PODXL: variants seen among roughly 807,000 people sequenced by gnomAD.
The protein encoded by PODXL is podocalyxin.
PODXL carries 20 observed loss-of-function variants against 48.9 expected under a neutral mutation model. The observed-to-expected ratio is 0.41, with a 90% confidence interval of 0.29 to 0.59. The LOEUF (loss-of-function observed/expected upper bound fraction) is 0.59, where lower values mean the gene tolerates loss of function less well. PODXL is among the 20% of genes least tolerant of loss of function. The pLI is 0.31. For missense variants in PODXL, 606 were observed against 675.1 expected (o/e 0.90, Z 1.13); for synonymous variants, 295 against 287.4 (o/e 1.03, Z -0.27).
At position 131,529,026 on chromosome 7, in the gene PODXL, GT is replaced by G. The variant is rs530395906; in HGVS notation, c.101-17594del. On this transcript the variant is annotated intron_variant, in intron 1 of 8. Coordinates refer to ENST00000378555, the MANE Select transcript of PODXL (RefSeq NM_001018111.3). ...ATGCTGAGATTTCAGAGGTGATACA[GT>G]TTGAGGGGCTGATAAAGTTCAGGGG... is the stretch of plus-strand genomic sequence containing the variant. 2.2e-4 allele frequency among the ~76,000 whole-genome samples: 33 copies of G among 152,230 alleles called. 2 individuals are homozygous for G. In the South Asian group the frequency reaches 6.9e-3, roughly 32 times the overall value.
intron 1 of PODXL, among the ~76,000 whole-genome samples, chr7:131,524,379 C>CAGAGAG (rs58163575): frequency 6.7e-4 from 70 of 104,108 alleles, no homozygotes; most frequent in African/African-American, 1.2e-3. Context: ...CACACACACA[C>CAGAGAG]AGAGAGAGAG....
chr7:131,532,946 C>T (rs967941328), intron 1 of PODXL, among the ~76,000 whole-genome samples: 11 of 152,202 alleles, frequency 7.2e-5, no homozygotes, highest in Non-Finnish European at 1.5e-4. Flanking sequence ...TGATCTGCGA[C>T]TTTCAGCCCC....
At chr7:131,521,746 C>A (rs1037681667) in intron 1 of PODXL, among the ~76,000 whole-genome samples, 1 of 152,166 alleles carries the variant, frequency 6.6e-6, no homozygotes, top group South Asian at 2.1e-4. Context: ...GCAGTTTACT[C>A]CTGGGAACCC....
At chr7:131,518,921 T>C (rs1798052262) in intron 1 of PODXL, among the ~76,000 whole-genome samples, 2 of 152,162 alleles carry the variant, frequency 1.3e-5, no homozygotes, top group East Asian at 3.9e-4. Context: ...AGAGCCTTTC[T>C]CTAGACGCAG....
In PODXL at chr7:131,556,524, C is replaced by T. The variant is rs1008543007; in HGVS notation, c.-165G>A. 1.1e-5 allele frequency: 9 copies of T among 797,828 alleles called. No homozygotes were observed. The highest frequency in any genetic ancestry group is 1.1e-4 in the African/African-American group (6 of 55,482). 49.4% of individuals were successfully genotyped at this position (797,828 alleles called of 1,614,324 possible). A position where few individuals can be genotyped will look rare whatever the true frequency, so the allele number is the denominator to read the frequency against. ...AGTCGCGCTGCGGCGGCTCTTCCTC[C>T]CTGCCGCTGCAGCAGAGCCGGGCTG... On this transcript the variant is annotated 5_prime_UTR_variant, in exon 1 of 9. Coordinates refer to ENST00000378555, the MANE Select transcript of PODXL (RefSeq NM_001018111.3).
chr7:131,522,991 T>C (rs1353974028), intron 1 of PODXL, among the ~76,000 whole-genome samples: 4 of 152,240 alleles, frequency 2.6e-5, no homozygotes, highest in Admixed American at 6.5e-5. Context: ...CTATGAACAT[T>C]TGTGCACAGG....
chr7:131,544,175 C>A (rs533780904), intron 1 of PODXL, among the ~76,000 whole-genome samples: 1 of 152,332 alleles, frequency 6.6e-6, no homozygotes, highest in Admixed American at 6.5e-5. Flanking sequence ...ATGGACCCTG[C>A]TGGTTTTCTT....
chr7:131,553,694 CCTTT>C (rs1798700180), intron 1 of PODXL, among the ~76,000 whole-genome samples: 1 of 152,216 alleles, frequency 6.6e-6, no homozygotes. Flanking sequence ...CACCAAGCTG[CCTTT>C]CTGTTGCCCA....
chr7:131,507,192 G>C (rs1004396590), intron 5 of PODXL, among the ~76,000 whole-genome samples: 4 of 152,318 alleles, frequency 2.6e-5, no homozygotes, highest in African/African-American at 7.2e-5. Context: ...AGGTGGGGAG[G>C]CTGCAGCTCT....
chr7:131,530,694 G>A (rs1798263661), intron 1 of PODXL, among the ~76,000 whole-genome samples: 1 of 151,226 alleles, frequency 6.6e-6, no homozygotes, highest in Non-Finnish European at 1.5e-5. Context: ...ATCACTTGAG[G>A]CTGCAGTGAG....
At chr7:131,519,960 AG>A (rs1209969858) in intron 1 of PODXL, among the ~76,000 whole-genome samples, 1 of 152,170 alleles carries the variant, frequency 6.6e-6, no homozygotes, top group Non-Finnish European at 1.5e-5. Flanking sequence ...CCTGGGCTCA[AG>A]GGATCCATCT....
chr7:131,550,399 G>C lies in PODXL; in HGVS notation c.100+5861C>G, dbSNP rs533589159. Among the ~76,000 whole-genome samples the C allele has an allele frequency of 1.4e-4, 22 of 152,294 alleles. No individual in the cohort carries two copies. The South Asian group carries it at 4.2e-3, about 29-fold the overall frequency. On this transcript the variant is annotated intron_variant, in intron 1 of 8. Transcript: ENST00000378555. ...TCGCCAGGCATGATGGCTCATGCCT[G>C]TAATCCTAGCACTGGGAGGCTGAGG...
chr7:131,514,754 G>A (rs371562568), intron 1 of PODXL, among the ~76,000 whole-genome samples: 51 of 151,758 alleles, frequency 3.4e-4, no homozygotes, highest in Non-Finnish European at 6.2e-4. Flanking sequence ...CCACAAGCAC[G>A]CACCACCACA....
At chr7:131,531,714 C>A (rs558459366) in intron 1 of PODXL, among the ~76,000 whole-genome samples, 4 of 152,296 alleles carry the variant, frequency 2.6e-5, no homozygotes, top group Middle Eastern at 3.4e-3. Context: ...CTTATGAGGA[C>A]ACTTGTCATT....
In PODXL at chr7:131,501,066, G is replaced by GACTT. The variant is rs1797692597; in HGVS notation, c.*3241_*3244dup. The GACTT allele has an allele frequency of 6.6e-6, 1 of 152,258 alleles. No individual in the cohort carries two copies. Among genetic ancestry groups the GACTT allele is most frequent in the African/African-American group, 2.4e-5 (1 of 41,392 alleles). The allele number at this position is 152,258 out of a possible 1,614,324, so 9.4% of individuals were successfully genotyped here. A position where few individuals can be genotyped will look rare whatever the true frequency, so the allele number is the denominator to read the frequency against. On this transcript the variant is annotated 3_prime_UTR_variant, in exon 9 of 9. Transcript: ENST00000378555. ...CCAACCTTTACTGAAATGGAGCTGT[G>GACTT]ACTTTGCTGGGGAGGGGGCAGGGTT... is the stretch of plus-strand genomic sequence containing the variant.
chr7:131,522,927 C>T (rs747574804), intron 1 of PODXL, among the ~76,000 whole-genome samples: 8 of 152,326 alleles, frequency 5.3e-5, no homozygotes, highest in South Asian at 2.1e-4. Flanking sequence ...ATCCATTAAT[C>T]GGCTGATGAA....
chr7:131,524,360 ACG>A (rs59670649), intron 1 of PODXL, among the ~76,000 whole-genome samples: 23,350 of 103,898 alleles, frequency 0.22, 3,454 homozygotes, highest in East Asian at 0.51. Flanking sequence ...ACACACACAC[ACG>A]CACACACACA....
At chr7:131,529,941 G>GC (rs1798248819) in intron 1 of PODXL, among the ~76,000 whole-genome samples, 2 of 32,368 alleles carry the variant, frequency 6.2e-5, no homozygotes, top group Non-Finnish European at 4.0e-4. Context: ...GCCTCCCTAG[G>GC]GGTATAGGCG....
At position 131,506,138 on chromosome 7, in the gene PODXL, C is replaced by T. The variant is rs759022798; in HGVS notation, c.1312-103G>A. 2.6e-4 allele frequency: 403 copies of T among 1,544,642 alleles called. 1 individual carries two copies. Among genetic ancestry groups the T allele is most frequent in the Admixed American group, 4.8e-4 (28 of 58,914 alleles). On this transcript the variant is annotated intron_variant, in intron 7 of 8. Transcript: ENST00000378555. ...GCTTGCAGTCTGCTAGGGTCCGTGC[C>T]GCCGCCCTCTTCTACATGCAGGCAC...
Sources: allele counts gnomAD v4.1 joint callset (sites outside exome capture counted in the v4.1 genomes callset), GRCh38; gene constraint gnomAD v4.1.1; transcripts MANE v1.5; gene names NCBI Gene and HGNC (gene_info 2026-07-23, HGNC 2026-07-21).